The following DMD variants were observed in gnomAD, a reference collection of about 807,000 sequenced individuals.
DMD encodes the protein dystrophin, also known as mutant dystrophin.
A neutral mutation model predicts 330.1 loss-of-function variants in DMD; 63 were observed. That is an observed-to-expected ratio of 0.19 (90% CI 0.16 to 0.24). The LOEUF is 0.24. Among genes scored for constraint, DMD ranks in the 10% least tolerant of loss-of-function variants. The probability of loss-of-function intolerance (pLI) is 1.00; values close to 1 mark genes in which losing one functional copy is unlikely to be tolerated. For synonymous variants in DMD, 1,223 were observed against 959.8 expected, an observed-to-expected ratio of 1.27 and a Z score of -5.07; for missense variants, 3,344 against 2,684.1, an observed-to-expected ratio of 1.25 and a Z score of -5.43.
intron 44 of DMD, among the ~76,000 whole-genome samples, chrX:32,211,413 G>C (rs1276558079): frequency 8.9e-6 from 1 of 111,888 alleles, no homozygotes; most frequent in Non-Finnish European, 1.9e-5. Flanking sequence ...AAAGTAAACA[G>C]TTTTTTATTA....
At chrX:32,828,885 T>C (rs1257596256) in intron 4 of DMD, among the ~76,000 whole-genome samples, 2 of 111,588 alleles carry the variant, frequency 1.8e-5, no homozygotes, top group Non-Finnish European at 3.8e-5. Context: ...CATTTGAATA[T>C]ATTTTTGTAT....
chrX:31,887,828 C>T (rs1030471889), intron 47 of DMD, among the ~76,000 whole-genome samples: 1 of 112,322 alleles, frequency 8.9e-6, no homozygotes, highest in African/African-American at 3.2e-5. Flanking sequence ...TTGAATTTTA[C>T]ATCTTTATAT....
At chrX:32,386,675 T>A (rs995598691) in intron 32 of DMD, among the ~76,000 whole-genome samples, 4 of 110,022 alleles carry the variant, frequency 3.6e-5, no homozygotes, top group Admixed American at 3.0e-4. Flanking sequence ...CATATATGTG[T>A]CATTTGCAGC....
chrX:31,864,113 T>C (rs1027084602), intron 48 of DMD, among the ~76,000 whole-genome samples: 12 of 111,246 alleles, frequency 1.1e-4, no homozygotes, highest in Non-Finnish European at 2.1e-4. Context: ...ATCTTTAAAA[T>C]GTGCAAGCAG....
chrX:32,699,778 G>C (rs1160915002), intron 7 of DMD, among the ~76,000 whole-genome samples: 2 of 111,574 alleles, frequency 1.8e-5, no homozygotes, highest in Non-Finnish European at 3.8e-5. Context: ...TATGCAGAGA[G>C]CTAAATAAGT....
intron 44 of DMD, among the ~76,000 whole-genome samples, chrX:32,144,762 G>A (rs1191513448): frequency 8.9e-6 from 1 of 112,041 alleles, no homozygotes; most frequent in Non-Finnish European, 1.9e-5. Context: ...GCTGGGCGCG[G>A]TGGCTCACGT....
At chrX:32,279,956 A>G (rs759011978) in intron 43 of DMD, among the ~76,000 whole-genome samples, 13 of 79,849 alleles carry the variant, frequency 1.6e-4, no homozygotes, top group East Asian at 1.4e-3. Context: ...ACACATATAT[A>G]TGTGTAACCC....
At chrX:32,010,629 T>C (rs750678762) in intron 44 of DMD, among the ~76,000 whole-genome samples, 2 of 111,367 alleles carry the variant, frequency 1.8e-5, no homozygotes, top group East Asian at 5.7e-4. Flanking sequence ...GCCTTGAAAA[T>C]TTCCCTCCTA....
intron 9 of DMD, among the ~76,000 whole-genome samples, chrX:32,646,058 A>C (rs903754612): frequency 6.3e-5 from 7 of 111,721 alleles, no homozygotes; most frequent in African/African-American, 2.3e-4. Context: ...CTTCCTCTGG[A>C]GAGGCTGGAG....
At chrX:33,285,736 C>T (rs2053422244) in intron 1 of DMD, among the ~76,000 whole-genome samples, 1 of 111,851 alleles carries the variant, frequency 8.9e-6, no homozygotes, top group African/African-American at 3.2e-5. Context: ...GATGCACTTC[C>T]TAAAATACTT....
chrX:32,524,072 A>G (rs931313928), intron 17 of DMD, among the ~76,000 whole-genome samples: 3 of 108,298 alleles, frequency 2.8e-5, no homozygotes, highest in Non-Finnish European at 5.7e-5. Flanking sequence ...AGCTGGGACC[A>G]CAGGCGCCCG....
chrX:32,486,652 G>C (rs2042505348), intron 20 of DMD, among the ~76,000 whole-genome samples: 1 of 107,695 alleles, frequency 9.3e-6, no homozygotes, highest in Non-Finnish European at 1.9e-5. Flanking sequence ...CCAAAACAGA[G>C]ATATAGATCA....
chrX:33,031,991 TTAATTGC>T (rs2094123463), intron 1 of DMD, among the ~76,000 whole-genome samples: 1 of 112,057 alleles, frequency 8.9e-6, no homozygotes, highest in Non-Finnish European at 1.9e-5. Flanking sequence ...GACTATATAT[TTAATTGC>T]ATTAGAACTT....
chrX:31,123,093 T>C (rs1351080220), intron 78 of DMD, among the ~76,000 whole-genome samples: 1 of 111,871 alleles, frequency 8.9e-6, no homozygotes, highest in Non-Finnish European at 1.9e-5. Flanking sequence ...CCAATAAAAA[T>C]TAAAGCTATA....
At chrX:32,805,492 T>C (rs1233011916) in intron 7 of DMD, among the ~76,000 whole-genome samples, 5 of 110,901 alleles carry the variant, frequency 4.5e-5, no homozygotes, top group East Asian at 5.6e-4. Context: ...GTTTGATTAG[T>C]ATACCTGGGA....
At chrX:32,244,790 T>C (rs331357) in intron 43 of DMD, among the ~76,000 whole-genome samples, 31,147 of 64,096 alleles carry the variant, frequency 0.49, 8,979 homozygotes, top group Non-Finnish European at 0.64. Context: ...TGTCCTTCGC[T>C]CACTTTTTGA....
chrX:32,569,186 G>A (rs1810926730), intron 15 of DMD, among the ~76,000 whole-genome samples: 2 of 111,949 alleles, frequency 1.8e-5, no homozygotes, highest in Non-Finnish European at 1.9e-5. Context: ...ATGGAGAAGA[G>A]ACAGATAAGC....
chrX:31,924,824 G>C (rs1198935609), intron 47 of DMD, among the ~76,000 whole-genome samples: 1 of 111,622 alleles, frequency 9.0e-6, no homozygotes, highest in Non-Finnish European at 1.9e-5. Flanking sequence ...AATTCAAATA[G>C]TAATTTACCA....
intron 55 of DMD, among the ~76,000 whole-genome samples, chrX:31,624,761 C>T (rs1376991865): frequency 5.4e-5 from 6 of 111,491 alleles, no homozygotes; most frequent in African/African-American, 1.6e-4. Flanking sequence ...GAATACAATG[C>T]TACCAGCTTC....
Sources: allele counts gnomAD v4.1 joint callset (sites outside exome capture counted in the v4.1 genomes callset), GRCh38; gene constraint gnomAD v4.1.1; transcripts MANE v1.5; gene names NCBI Gene and HGNC (gene_info 2026-07-23, HGNC 2026-07-21).